Variants in SSUH2 observed in about 807,000 individuals in gnomAD.
SSUH2 encodes protein SSUH2 homolog.
A neutral mutation model predicts 55.3 loss-of-function variants in SSUH2; 47 were observed. That is an observed-to-expected ratio of 0.85 (90% CI 0.67 to 1.08). SSUH2 has a LOEUF of 1.08. SSUH2 is among the 50% of genes least tolerant of loss of function. SSUH2 has a pLI of 0.00. For synonymous variants in SSUH2, 212 were observed against 191.5 expected (o/e 1.11, Z -0.89); for missense variants, 535 against 490.7 (o/e 1.09, Z -0.85).
At chr3:8,623,352 C>T in intron 11 of SSUH2, 197 bp downstream of exon 11, 1 of 509,474 alleles carries the variant, frequency 2.0e-6, no homozygotes. Flanking sequence ...ACCCACGGTC[C>T]TTCCTGCCTC....
intron 1 of SSUH2, among the ~76,000 whole-genome samples, chr3:8,680,261 G>A (rs1339628150): frequency 2.0e-5 from 3 of 151,994 alleles, no homozygotes; most frequent in African/African-American, 7.2e-5. Flanking sequence ...GCTGACTCCT[G>A]GGCAAAACCT....
intron 7 of SSUH2, among the ~76,000 whole-genome samples, chr3:8,654,251 G>A (rs1244567620): frequency 6.6e-6 from 1 of 152,104 alleles, no homozygotes; most frequent in Non-Finnish European, 1.5e-5. Context: ...CCACCCTCAC[G>A]ACCTCATCTA....
chr3:8,677,787 G>T lies in SSUH2; in HGVS notation c.-900-434C>A, dbSNP rs1705529076. Among the ~76,000 whole-genome samples the T allele has an allele frequency of 6.0e-5, 9 of 150,410 alleles. 2 individuals carry two copies. In the South Asian group the frequency reaches 1.7e-3, roughly 29 times the overall value. On this transcript the variant is annotated intron_variant, in intron 2 of 18. Transcript: ENST00000317371. Reference sequence around the variant, plus strand: ...TCTTGGGCAAAACCTGAACATAAAGGCCCCCCATGCTGTGGTGACTGAGAG... The same window carrying T: ...TCTTGGGCAAAACCTGAACATAAAGTCCCCCCATGCTGTGGTGACTGAGAG...
chr3:8,659,742 C>A (rs1391671677), intron 6 of SSUH2: 1 of 455,994 alleles, frequency 2.2e-6, no homozygotes, highest in Non-Finnish European at 4.4e-6. Flanking sequence ...TATATGTATT[C>A]ATTCATTCAA....
chr3:8,634,079 C>T (rs1378348859), intron 3 of SSUH2: 3 of 893,084 alleles, frequency 3.4e-6, no homozygotes, highest in Non-Finnish European at 5.0e-6. Flanking sequence ...AGAAACACAA[C>T]CTTAGAGAGG....
At chr3:8,673,303 T>G (rs965349066) in intron 3 of SSUH2, among the ~76,000 whole-genome samples, 1 of 152,068 alleles carries the variant, frequency 6.6e-6, no homozygotes, top group Non-Finnish European at 1.5e-5. Flanking sequence ...TAATTAGAAG[T>G]GTTAATTAAT....
rs567497564 is a variant in SSUH2 at position 8,665,284 on chromosome 3, G to A, written c.-454-1482C>T. Among the ~76,000 whole-genome samples the A allele has an allele frequency of 1.0e-3, 158 of 152,292 alleles. 1 individual carries two copies. The highest frequency in any genetic ancestry group is 3.7e-3 in the African/African-American group (152 of 41,558). Reference sequence around the variant, plus strand: ...AGAAGAAAACAGGGTAGAAGGGGAAGAGAGAAGAAAGGAGAAGCAAGGAAG... The same window carrying A: ...AGAAGAAAACAGGGTAGAAGGGGAAAAGAGAAGAAAGGAGAAGCAAGGAAG... On this transcript the variant is annotated intron_variant, in intron 5 of 18. Transcript: ENST00000317371.
chr3:8,681,809 C>CAGGGTGGG (rs1559580098), intron 1 of SSUH2: 2 of 154,640 alleles, frequency 1.3e-5, no homozygotes, highest in African/African-American at 4.9e-5. Context: ...GCACCCACCG[C>CAGGGTGGG]AGGGTGGGGA....
intron 1 of SSUH2, among the ~76,000 whole-genome samples, chr3:8,636,419 T>C (rs1699937495): frequency 6.6e-6 from 1 of 152,190 alleles, no homozygotes; most frequent in Admixed American, 6.5e-5. Context: ...CCAAGCCATA[T>C]CAGCCACCTG....
At chr3:8,681,637 T>G (rs1220878059) in intron 1 of SSUH2, among the ~76,000 whole-genome samples, 5 of 124,394 alleles carry the variant, frequency 4.0e-5, no homozygotes, top group Non-Finnish European at 3.4e-5. Context: ...CGCAGGAGGG[T>G]GAGGCACCCC....
intron 1 of SSUH2, among the ~76,000 whole-genome samples, chr3:8,640,310 T>C (rs974667104): frequency 6.6e-6 from 1 of 152,150 alleles, no homozygotes; most frequent in African/African-American, 2.4e-5. Flanking sequence ...AGAAGTTCTG[T>C]TTTTGCCACA....
intron 4 of SSUH2, among the ~76,000 whole-genome samples, chr3:8,633,141 C>A (rs1699154687): frequency 7.7e-6 from 1 of 129,376 alleles, no homozygotes; most frequent in Non-Finnish European, 1.6e-5. Context: ...TTTGATGACG[C>A]CTTTTTTTTT....
At position 8,657,612 on chromosome 3, in the gene SSUH2, G is replaced by A. The variant is rs560853093; in HGVS notation, c.-307+1313C>T. Among the ~76,000 whole-genome samples the A allele has an allele frequency of 2.8e-4, 43 of 152,292 alleles. 1 individual carries two copies. The South Asian group carries it at 8.9e-3, about 32-fold the overall frequency. On this transcript the variant is annotated intron_variant, in intron 7 of 18. Coordinates refer to the SSUH2 transcript ENST00000317371. The stretch of plus-strand genomic sequence containing the variant: ...GGAGGCGAGGCTGACACTGGGCACT[G>A]AAGGATGAAAAGAGTCAAGTACATG...
chr3:8,647,001 A>G (rs1701759552), upstream of SSUH2, among the ~76,000 whole-genome samples: 1 of 152,186 alleles, frequency 6.6e-6, no homozygotes, highest in African/African-American at 2.4e-5. Flanking sequence ...CTATCAATTG[A>G]TTGCTGTCTA....
At chr3:8,649,649 C>T (rs1702159621), upstream of SSUH2, among the ~76,000 whole-genome samples, 1 of 152,134 alleles carries the variant, frequency 6.6e-6, no homozygotes, top group African/African-American at 2.4e-5. Flanking sequence ...CATTCAATGT[C>T]AGCAAGTCAT....
intron 2 of SSUH2, among the ~76,000 whole-genome samples, chr3:8,678,689 CA>C (rs1233162544): frequency 7.3e-5 from 3 of 41,276 alleles, no homozygotes; most frequent in Non-Finnish European, 1.5e-4. Context: ...GAGAGCCAGC[CA>C]CTCTTCCCCT....
chr3:8,619,986 G>T lies in SSUH2; in HGVS notation c.1010C>A (p.Thr337Lys). ...TCCTTGGTACCAATAGTGAACTTCT[G>T]TGAGGGGGATCAGCTCAATGGTCTG... ...QRQTIELIPLTEVHYWYQGKT... is the reference protein window; with the variant it reads ...QRQTIELIPLKEVHYWYQGKT... Residue 337 changes from threonine (T) to lysine (K), a missense_variant, in exon 12 of 12, where the codon ACA becomes AAA. Coordinates refer to ENST00000544814, the MANE Select transcript of SSUH2 (RefSeq NM_001256748.3). The T allele has an allele frequency of 1.2e-6, 2 of 1,614,138 alleles. No individual in the cohort carries two copies. The highest frequency in any genetic ancestry group is 8.5e-7 in the Non-Finnish European group (1 of 1,179,994).
rs1289656292 is a variant in SSUH2 at position 8,629,717 on chromosome 3, TGTGGCATTC to T, written c.526_534del (p.Glu176_His178del). 1.2e-6 allele frequency: 2 copies of T among 1,614,076 alleles called. No individual in the cohort carries two copies. Among genetic ancestry groups the T allele is most frequent in the Non-Finnish European group, 1.7e-6 (2 of 1,180,034 alleles). On this transcript the variant is annotated inframe_deletion and splice_region_variant, in exon 7 of 12. Coordinates refer to ENST00000544814, the MANE Select transcript of SSUH2 (RefSeq NM_001256748.3). ...TTGTACCGCCCACGCCCATGGCATT[TGTGGCATTC>T]CTGAAAGTGCAACGCTTTCTTGGGA...
At chr3:8,643,078 A>T (rs164956) in intron 1 of SSUH2, among the ~76,000 whole-genome samples, 1 of 151,942 alleles carries the variant, frequency 6.6e-6, no homozygotes, top group Non-Finnish European at 1.5e-5. Flanking sequence ...AACTTCACAG[A>T]AGATAATATT....
Sources: allele counts gnomAD v4.1 joint callset (sites outside exome capture counted in the v4.1 genomes callset), GRCh38; gene constraint gnomAD v4.1.1; transcripts MANE v1.5; gene names NCBI Gene and HGNC (gene_info 2026-07-23, HGNC 2026-07-21).